CCDC102A: variants seen among roughly 807,000 people sequenced by gnomAD.
CCDC102A encodes the protein coiled-coil domain-containing protein 102A.
Under a neutral mutation model 55.5 loss-of-function variants are expected in CCDC102A, and 40 were observed. The ratio of observed to expected loss-of-function variants is 0.72; its 90% CI spans 0.56 to 0.94. CCDC102A has a LOEUF of 0.94. Among genes scored for constraint, CCDC102A ranks in the 40% least tolerant of loss-of-function variants. The probability of loss-of-function intolerance (pLI) is 0.00; values close to 1 mark genes in which losing one functional copy is unlikely to be tolerated. For missense variants in CCDC102A, 779 were observed against 768.6 expected, an observed-to-expected ratio of 1.01 and a Z score of -0.16; for synonymous variants, 323 against 339.0, an observed-to-expected ratio of 0.95 and a Z score of 0.52.
At chr16:57,517,840 C>T (rs1296506325) in intron 6 of CCDC102A, among the ~76,000 whole-genome samples, 1 of 152,264 alleles carries the variant, frequency 6.6e-6, no homozygotes, top group Non-Finnish European at 1.5e-5. Context: ...GGGGAGGCCA[C>T]ATCTGTCTGT....
chr16:57,534,368 A>G (rs1438186845), intron 1 of CCDC102A, among the ~76,000 whole-genome samples: 2 of 152,192 alleles, frequency 1.3e-5, no homozygotes, highest in Non-Finnish European at 2.9e-5. Context: ...TTGAGCTGAC[A>G]CTTGCTGCAG....
chr16:57,535,239 G>T (rs566521590), intron 1 of CCDC102A, among the ~76,000 whole-genome samples: 2 of 152,342 alleles, frequency 1.3e-5, no homozygotes, highest in South Asian at 4.1e-4. Context: ...CCTCTGGGGG[G>T]AGCTGGCTGG....
chr16:57,520,581 CATAACATAACATAA>C, intron 4 of CCDC102A, among the ~76,000 whole-genome samples: 1 of 127,106 alleles, frequency 7.9e-6, no homozygotes, highest in Admixed American at 8.6e-5. Context: ...CATAACATAA[CATAACATAACATAA>C]ATAAAATAAA....
intron 3 of CCDC102A, among the ~76,000 whole-genome samples, chr16:57,522,904 C>T (rs1405974397): frequency 6.6e-6 from 1 of 152,236 alleles, no homozygotes; most frequent in Admixed American, 6.5e-5. Context: ...CAGTGGCTTA[C>T]ACCTGTAATC....
intron 1 of CCDC102A, among the ~76,000 whole-genome samples, chr16:57,533,182 T>TG (rs1339251477): frequency 1.3e-5 from 2 of 151,908 alleles, no homozygotes; most frequent in African/African-American, 2.4e-5. Context: ...TCCTAGGGGC[T>TG]GGGGGAGAAG....
At chr16:57,519,654 C>T (rs895264576) in intron 4 of CCDC102A, among the ~76,000 whole-genome samples, 3 of 152,252 alleles carry the variant, frequency 2.0e-5, no homozygotes, top group Admixed American at 6.5e-5. Context: ...TTATAATTTT[C>T]TACTAAATTG....
intron 1 of CCDC102A, 135 bp downstream of exon 1, chr16:57,536,365 G>C (rs554519575): frequency 6.6e-6 from 1 of 152,218 alleles, no homozygotes; most frequent in Admixed American, 6.5e-5. Flanking sequence ...GGGTTGCCGC[G>C]GGCGCCCCGA....
rs1391176855 is a variant in CCDC102A at position 57,512,247 on chromosome 16, C to T, written c.*494G>A. On this transcript the variant is annotated 3_prime_UTR_variant, in exon 9 of 9. Coordinates refer to ENST00000258214, the MANE Select transcript of CCDC102A (RefSeq NM_033212.4). ...CTCTGGTTCAGCGTCAGGTGCAGGC[C>T]GATGCCGTCCCCCACAACCCCCGCC... The T allele has an allele frequency of 7.6e-6, 3 of 395,736 alleles. No individual in the cohort carries two copies. The highest frequency in any genetic ancestry group is 1.3e-5 in the Non-Finnish European group (3 of 224,930). 24.5% of individuals were successfully genotyped at this position (395,736 alleles called of 1,614,324 possible).
At chr16:57,515,574 G>A in intron 7 of CCDC102A, 130 bp from the exon 8 acceptor site, 1 of 680,304 alleles carries the variant, frequency 1.5e-6, no homozygotes, top group Middle Eastern at 3.8e-4. Flanking sequence ...GCTCCTTGAG[G>A]CCTAGGCTAA....
chr16:57,528,499 C>T, intron 2 of CCDC102A, 94 bp downstream of exon 2: 1 of 909,604 alleles, frequency 1.1e-6, no homozygotes, highest in East Asian at 7.2e-5. Context: ...GGAGGCCAGG[C>T]CTTTACTAGC....
Position 57,515,335 on chromosome 16 carries a change from G to A in CCDC102A, c.1523+6C>T. 2 of 1,558,322 alleles carry A rather than the reference G, an allele frequency of 1.3e-6. No homozygotes were observed. Among genetic ancestry groups the A allele is most frequent in the African/African-American group, 1.3e-5 (1 of 74,322 alleles). On this transcript the variant is annotated splice_donor_region_variant and intron_variant, in intron 8 of 8. Coordinates refer to ENST00000258214, the MANE Select transcript of CCDC102A (RefSeq NM_033212.4). ...GCCCTGTTTCTGTTCCCTGCCCGGG[G>A]CCCACCTGGACTGCAGGTGCTCCAG...
intron 6 of CCDC102A, among the ~76,000 whole-genome samples, chr16:57,517,440 G>A (rs1162103462): frequency 2.6e-5 from 4 of 152,068 alleles, no homozygotes; most frequent in African/African-American, 4.8e-5. Context: ...TCTGCCTCCC[G>A]GTTTCAAGTG....
intron 1 of CCDC102A, among the ~76,000 whole-genome samples, chr16:57,533,717 G>A (rs911757680): frequency 2.0e-5 from 3 of 150,840 alleles, no homozygotes; most frequent in African/African-American, 7.3e-5. Context: ...TACAGCCCCG[G>A]TAATGCACAG....
rs745471899 is a variant in CCDC102A, at chr16:57,515,425, T to C, written c.1439A>G (p.Gln480Arg). 7 of 1,606,480 alleles carry C rather than the reference T, an allele frequency of 4.4e-6. No individual in the cohort carries two copies. Among genetic ancestry groups the C allele is most frequent in the Non-Finnish European group, 5.9e-6 (7 of 1,178,264 alleles). ...AEDELDEAHN[Q>R]ARKLQRSLDE... Reference sequence around the variant, plus strand: ...CAGCGACCGCTGCAGCTTACGTGCCTGGTTGTGGGCCTCGTCCAGCTGTGG... The same window carrying C: ...CAGCGACCGCTGCAGCTTACGTGCCCGGTTGTGGGCCTCGTCCAGCTGTGG... The change falls in exon 8 of 9, where the codon CAG (glutamine) becomes CGG (arginine). Residue 480 changes from glutamine (Q) to arginine (R), a missense_variant. By Grantham distance (43) the Gln-to-Arg change is conservative (BLOSUM62 1). Coordinates refer to ENST00000258214, the MANE Select transcript of CCDC102A (RefSeq NM_033212.4).
intron 1 of CCDC102A, among the ~76,000 whole-genome samples, chr16:57,534,801 T>C (rs1212777310): frequency 6.6e-6 from 1 of 152,208 alleles, no homozygotes; most frequent in African/African-American, 2.4e-5. Context: ...TGAGCCTGTC[T>C]GGCCAGGGTT....
intron 1 of CCDC102A, among the ~76,000 whole-genome samples, chr16:57,530,182 C>T (rs1159378042): frequency 6.6e-6 from 1 of 152,156 alleles, no homozygotes; most frequent in African/African-American, 2.4e-5. Flanking sequence ...GGAACCACCC[C>T]TCCCTGACAC....
intron 7 of CCDC102A, among the ~76,000 whole-genome samples, chr16:57,515,739 T>TCCAGGGAGATATTCATCTGC (rs1455208747): frequency 6.6e-6 from 1 of 151,438 alleles, no homozygotes; most frequent in African/African-American, 2.4e-5. Context: ...GGACCATTCG[T>TCCAGGGAGATATTCATCTGC]CCAGGGAGAT....
chr16:57,518,145 G>A lies in CCDC102A; in HGVS notation c.1171C>T (p.Arg391Trp), dbSNP rs373638709. Residue 391 changes from arginine (R) to tryptophan (W), a missense_variant, in exon 6 of 9, where the codon CGG becomes TGG. Coordinates refer to ENST00000258214, the MANE Select transcript of CCDC102A (RefSeq NM_033212.4). ...GCGCTGGCTGTTTGCCGCCGCCGCC[G>A]GGCCAGCGCCTCCTCCAGGTCTCCG... is the stretch of plus-strand genomic sequence containing the variant. ...QVGDLEEALA[R>W]RRRQTASALD... 6.1e-5 allele frequency: 99 copies of A among 1,610,988 alleles called. No homozygotes were observed. Among genetic ancestry groups the A allele is most frequent in the African/African-American group, 9.3e-5 (7 of 74,924 alleles).
rs531399194 is a variant in CCDC102A, at chr16:57,535,935, T to G, written c.-148+565A>C. On this transcript the variant is annotated intron_variant, in intron 1 of 8. Transcript: ENST00000258214. ...GGTACTGAAACTGAAGCCCCAGCCC[T>G]GCGTCGCCTTAGTCCTCACTTAGTC... is the stretch of plus-strand genomic sequence containing the variant. Among the ~76,000 whole-genome samples, 405 of 152,242 alleles carry G rather than the reference T, an allele frequency of 2.7e-3. 1 individual carries two copies. The highest frequency in any genetic ancestry group is 9.4e-3 in the African/African-American group (389 of 41,562).
Sources: allele counts gnomAD v4.1 joint callset (sites outside exome capture counted in the v4.1 genomes callset), GRCh38; gene constraint gnomAD v4.1.1; transcripts MANE v1.5; gene names NCBI Gene and HGNC (gene_info 2026-07-23, HGNC 2026-07-21).